Variants in SH2B2 observed in about 807,000 individuals in gnomAD.
The protein encoded by SH2B2 is SH2B adaptor protein 2, also known as SH2B adapter protein 2.
Under a neutral mutation model 35.7 loss-of-function variants are expected in SH2B2, and 37 were observed. That is an observed-to-expected ratio of 1.04 (90% CI 0.80 to 1.36). The LOEUF is 1.36. Ranked by LOEUF, SH2B2 falls within the 40% of genes most tolerant of loss-of-function variation. The pLI is 0.00. For synonymous variants in SH2B2, 383 were observed against 376.4 expected (o/e 1.02, Z -0.20); for missense variants, 852 against 817.7 (o/e 1.04, Z -0.51).
At chr7:102,299,196 G>GTTTTTTTTTTTTTT (rs1793046884) in intron 1 of SH2B2, among the ~76,000 whole-genome samples, 1 of 29,132 alleles carries the variant, frequency 3.4e-5, no homozygotes, top group Admixed American at 5.0e-4. Context: ...ACCGCGCCTG[G>GTTTTTTTTTTTTTT]CTTTTTTTTT....
chr7:102,305,155 G>A (rs1033794027), intron 2 of SH2B2, among the ~76,000 whole-genome samples: 12 of 152,228 alleles, frequency 7.9e-5, no homozygotes, highest in African/African-American at 2.4e-4. Context: ...GTTCTGAGTC[G>A]GGGGCTCCAG....
chr7:102,311,004 GCTTT>G (rs1417167270), intron 4 of SH2B2, among the ~76,000 whole-genome samples: 3 of 152,180 alleles, frequency 2.0e-5, no homozygotes, highest in Non-Finnish European at 2.9e-5. Flanking sequence ...CTTCCCCTGG[GCTTT>G]CTGAAGTTTC....
At chr7:102,301,536 T>C (rs1235640710) in intron 2 of SH2B2, among the ~76,000 whole-genome samples, 1 of 149,866 alleles carries the variant, frequency 6.7e-6, no homozygotes, top group African/African-American at 2.5e-5. Flanking sequence ...TTTTTTCTTT[T>C]CGTGTGTGTG....
chr7:102,315,057 T>C (rs1490460476), intron 6 of SH2B2, among the ~76,000 whole-genome samples: 1 of 151,928 alleles, frequency 6.6e-6, no homozygotes, highest in Non-Finnish European at 1.5e-5. Context: ...GGTGTGGTGG[T>C]GCACACATGT....
intron 1 of SH2B2, among the ~76,000 whole-genome samples, chr7:102,299,242 A>T (rs530728862): frequency 9.4e-6 from 1 of 106,692 alleles, no homozygotes; most frequent in South Asian, 3.1e-4. Flanking sequence ...TCTGTCACCT[A>T]GGCTGGAGTG....
At chr7:102,291,894 G>A (rs1310153677) in intron 1 of SH2B2, among the ~76,000 whole-genome samples, 3 of 152,196 alleles carry the variant, frequency 2.0e-5, no homozygotes, top group Non-Finnish European at 2.9e-5. Flanking sequence ...CCTGCCCAAA[G>A]AGCATCTGTG....
chr7:102,287,578 G>C (rs1792505201), intron 1 of SH2B2, among the ~76,000 whole-genome samples: 1 of 152,176 alleles, frequency 6.6e-6, no homozygotes, highest in Non-Finnish European at 1.5e-5. Context: ...CCTCCCTTTG[G>C]CCCAGGCCCC....
chr7:102,316,362 C>T (rs1311296859), intron 6 of SH2B2, among the ~76,000 whole-genome samples: 11 of 140,430 alleles, frequency 7.8e-5, no homozygotes, highest in South Asian at 4.6e-4. Context: ...CCAAGACGGG[C>T]GGATTGCCTG....
At chr7:102,306,601 T>C (rs1793407574) in intron 2 of SH2B2, 120 bp from the exon 3 acceptor site, 1 of 714,096 alleles carries the variant, frequency 1.4e-6, no homozygotes, top group Admixed American at 2.1e-5. Context: ...GGGATACCTC[T>C]GTACCAGGGT....
Position 102,317,306 on chromosome 7 carries a change from C to G in SH2B2, c.1306C>G (p.Pro436Ala), listed in dbSNP as rs782256668. The G allele has an allele frequency of 4.3e-6, 7 of 1,613,044 alleles. No individual in the cohort carries two copies. In the African/African-American group the frequency reaches 8.0e-5, roughly 18 times the overall value. ...KAAQLVLAGGPRNHGLFVIRQ... is the reference protein window; with the variant it reads ...KAAQLVLAGGARNHGLFVIRQ... Reference sequence around the variant, plus strand: ...TGCTCAACTGGTTCTGGCAGGGGGGCCCCGGAACCACGGCCTCTTCGTGAT... The same window carrying G: ...TGCTCAACTGGTTCTGGCAGGGGGGGCCCGGAACCACGGCCTCTTCGTGAT... The change falls in exon 7 of 9, where the codon CCC becomes GCC. Residue 436 changes from proline (P) to alanine (A), a missense_variant. Around this residue, in one of 3 missense-constraint regions of SH2B2, gnomAD observed 556 missense variants for 514.5 expected, o/e 1.08. Transcript: ENST00000444095.
chr7:102,285,753 AAGG>A (rs1229246923), upstream of SH2B2, among the ~76,000 whole-genome samples: 1 of 152,232 alleles, frequency 6.6e-6, no homozygotes, highest in Admixed American at 6.5e-5. Flanking sequence ...TCCGGCTGGC[AAGG>A]AGACCAGGAC....
At chr7:102,320,288 C>G (rs527778135) in intron 7 of SH2B2, 43 bp from the exon 8 acceptor site, 1 of 1,538,096 alleles carries the variant, frequency 6.5e-7, no homozygotes, top group Admixed American at 1.7e-5. Flanking sequence ...CCCAGGTGCC[C>G]AGCCCCGGAC....
intron 8 of SH2B2, 42 bp downstream of exon 8, chr7:102,320,544 C>T (rs1554558225): frequency 8.2e-6 from 13 of 1,591,020 alleles, no homozygotes; most frequent in Non-Finnish European, 1.1e-5. Context: ...CTCAAGAAGA[C>T]TTCCCGTTGA....
At chr7:102,291,791 G>T (rs1792682515) in intron 1 of SH2B2, among the ~76,000 whole-genome samples, 1 of 152,232 alleles carries the variant, frequency 6.6e-6, no homozygotes, top group Non-Finnish European at 1.5e-5. Flanking sequence ...GTGAAGCAGA[G>T]ACTGCGCTGT....
At position 102,308,796 on chromosome 7, in the gene SH2B2, C is replaced by T. The variant is rs367840578; in HGVS notation, c.832-19C>T. 3.0e-4 allele frequency: 481 copies of T among 1,605,304 alleles called. 1 individual carries two copies. Among genetic ancestry groups the T allele is most frequent in the Admixed American group, 1.1e-3 (68 of 59,984 alleles). On this transcript the variant is annotated intron_variant, in intron 3 of 8. Transcript: ENST00000444095. ...ATCTGCTGACCGTGTTCTGCACTCC[C>T]GGCCACCTTCCTCCCCAGGTAGAGA... is the stretch of plus-strand genomic sequence containing the variant.
upstream of SH2B2, among the ~76,000 whole-genome samples, chr7:102,285,434 T>G: frequency 6.6e-6 from 1 of 152,310 alleles, no homozygotes. Flanking sequence ...GCAGCTCCGA[T>G]CGAGGGCTGG....
chr7:102,289,800 G>C (rs1455735433), intron 1 of SH2B2, among the ~76,000 whole-genome samples: 1 of 151,804 alleles, frequency 6.6e-6, no homozygotes, highest in Non-Finnish European at 1.5e-5. Context: ...GGAAGGGGCT[G>C]AGTGTCTCAG....
chr7:102,307,161 C>T (rs1399334345), intron 3 of SH2B2, among the ~76,000 whole-genome samples: 2 of 152,224 alleles, frequency 1.3e-5, no homozygotes, highest in East Asian at 1.9e-4. Flanking sequence ...GGTGGCCAGC[C>T]GGCAGCAGTT....
In SH2B2 at chr7:102,315,537, C is replaced by T. The variant is rs547785209; in HGVS notation, c.1186+855C>T. On this transcript the variant is annotated intron_variant, in intron 6 of 8. Coordinates refer to ENST00000444095, the MANE Select transcript of SH2B2 (RefSeq NM_001359228.2). ...AGAGATGGGGTTTTGCCATGTTGGC[C>T]AGGCTGATCTTGAACTCCTGCCCTA... Among the ~76,000 whole-genome samples the T allele has an allele frequency of 4.0e-5, 6 of 151,788 alleles. No individual in the cohort carries two copies. The South Asian group carries it at 1.3e-3, about 32-fold the overall frequency.
Sources: allele counts gnomAD v4.1 joint callset (sites outside exome capture counted in the v4.1 genomes callset), GRCh38; gene constraint gnomAD v4.1.1; regional missense constraint gnomAD v4.1.1; transcripts MANE v1.5; gene names NCBI Gene and HGNC (gene_info 2026-07-23, HGNC 2026-07-21).